Variants in CLVS1 observed in about 807,000 individuals in gnomAD.
CLVS1 encodes the protein clavesin 1.
Under a neutral mutation model 33.1 loss-of-function variants are expected in CLVS1, and 10 were observed. The observed-to-expected ratio is 0.30, with a 90% confidence interval of 0.19 to 0.51. The LOEUF (loss-of-function observed/expected upper bound fraction) is 0.51. CLVS1 is among the 20% of genes least tolerant of loss of function. CLVS1 has a pLI of 0.97. For missense variants in CLVS1, 343 were observed against 433.4 expected, an observed-to-expected ratio of 0.79 and a Z score of 1.85; for synonymous variants, 163 against 166.1, an observed-to-expected ratio of 0.98 and a Z score of 0.14.
At chr8:61,221,991 T>C (rs1214143696) in intron 2 of CLVS1, among the ~76,000 whole-genome samples, 2 of 152,232 alleles carry the variant, frequency 1.3e-5, no homozygotes, top group East Asian at 3.8e-4. Context: ...TATAGTACTC[T>C]CTGATGGTAG....
chr8:60,974,710 C>T, the CLVS1 span, among the ~76,000 whole-genome samples: 12 of 150,038 alleles, frequency 8.0e-5, 1 homozygote, highest in East Asian at 5.9e-4. Flanking sequence ...ACCCGGGAGG[C>T]GGAGCTTGCA....
At chr8:61,028,268 C>G in the CLVS1 span, among the ~76,000 whole-genome samples, 1 of 152,108 alleles carries the variant, frequency 6.6e-6, no homozygotes, top group African/African-American at 2.4e-5. Flanking sequence ...TAAATAATAA[C>G]GATTATAATA....
chr8:61,279,977 C>G (rs1809637723), intron 2 of CLVS1, among the ~76,000 whole-genome samples: 1 of 143,262 alleles, frequency 7.0e-6, no homozygotes, highest in Admixed American at 7.1e-5. Context: ...CTTTAAATAT[C>G]TTATTTTAAA....
chr8:61,225,089 G>C (rs1430004762), intron 2 of CLVS1, among the ~76,000 whole-genome samples: 4 of 152,186 alleles, frequency 2.6e-5, no homozygotes, highest in African/African-American at 9.7e-5. Flanking sequence ...GGCTGAGGCG[G>C]GTGGATCGCT....
intron 2 of CLVS1, among the ~76,000 whole-genome samples, chr8:61,226,065 G>GA (rs1808321982): frequency 6.6e-6 from 1 of 152,170 alleles, no homozygotes; most frequent in Admixed American, 6.6e-5. Flanking sequence ...AGCTTTTTAA[G>GA]AAGAAAAAAC....
chr8:61,472,911 G>T (rs1048683228), intron 5 of CLVS1, among the ~76,000 whole-genome samples: 2 of 152,162 alleles, frequency 1.3e-5, no homozygotes, highest in African/African-American at 4.8e-5. Context: ...AGACAGAGTG[G>T]TTAACCTGGC....
intron 2 of CLVS1, among the ~76,000 whole-genome samples, chr8:61,354,764 G>A (rs535848097): frequency 3.8e-4 from 58 of 152,066 alleles, no homozygotes; most frequent in Non-Finnish European, 6.9e-4. Flanking sequence ...TAACATTTTC[G>A]AAATGACAAA....
At chr8:61,257,673 T>C (rs936699292) in intron 2 of CLVS1, among the ~76,000 whole-genome samples, 1 of 152,072 alleles carries the variant, frequency 6.6e-6, no homozygotes, top group African/African-American at 2.4e-5. Flanking sequence ...TAGAAAAAGC[T>C]GAATAATTAA....
At chr8:61,476,057 T>C (rs1428585728) in intron 5 of CLVS1, among the ~76,000 whole-genome samples, 11 of 152,092 alleles carry the variant, frequency 7.2e-5, no homozygotes, top group East Asian at 1.9e-4. Context: ...ATAGGGAATC[T>C]TTTCCCCATT....
intron 5 of CLVS1, among the ~76,000 whole-genome samples, chr8:61,461,661 G>A (rs192446037): frequency 7.2e-5 from 11 of 152,188 alleles, no homozygotes; most frequent in Non-Finnish European, 1.6e-4. Context: ...GGGTTTTTGA[G>A]GTTTTCCTTT....
At chr8:61,442,397 A>G (rs1268507392) in intron 3 of CLVS1, among the ~76,000 whole-genome samples, 1 of 152,128 alleles carries the variant, frequency 6.6e-6, no homozygotes, top group Non-Finnish European at 1.5e-5. Flanking sequence ...AGCTGCTGTG[A>G]GTGTCTTTGT....
At chr8:61,498,341 G>C (rs1209328803) in intron 5 of CLVS1, among the ~76,000 whole-genome samples, 1 of 152,204 alleles carries the variant, frequency 6.6e-6, no homozygotes, top group Non-Finnish European at 1.5e-5. Context: ...TAAGGGCTCA[G>C]AGGAGCCAAA....
the CLVS1 span, among the ~76,000 whole-genome samples, chr8:61,039,253 A>C: frequency 2.0e-5 from 3 of 152,240 alleles, no homozygotes; most frequent in Non-Finnish European, 4.4e-5. Flanking sequence ...GACGCATTCT[A>C]GTATCTTCTA....
chr8:61,425,553 C>A (rs1815855285), intron 3 of CLVS1, among the ~76,000 whole-genome samples: 1 of 152,168 alleles, frequency 6.6e-6, no homozygotes. Flanking sequence ...CTATCTAATT[C>A]CAGAATGTTT....
intron 1 of CLVS1, chr8:61,292,130 T>A (rs79035976): frequency 7.2e-6 from 2 of 277,142 alleles, no homozygotes; most frequent in Admixed American, 4.2e-5. Context: ...TTTTTTTTTT[T>A]AATATTCTCA....
Position 61,313,501 on chromosome 8 carries a change from T to C in CLVS1, c.455+13219T>C, listed in dbSNP as rs187064507. Among the ~76,000 whole-genome samples, 6 of 152,308 alleles carry C rather than the reference T, an allele frequency of 3.9e-5. No individual in the cohort carries two copies. In the East Asian group the frequency reaches 1.2e-3, roughly 29 times the overall value. ...CAAAGGATTGGAATAGATATGAGCA[T>C]GCCAGTCATTTAGGAAAGAACACAG... is the stretch of plus-strand genomic sequence containing the variant. On this transcript the variant is annotated intron_variant, in intron 2 of 5. Coordinates refer to ENST00000325897, the MANE Select transcript of CLVS1 (RefSeq NM_173519.3).
the CLVS1 span, among the ~76,000 whole-genome samples, chr8:61,014,052 C>A: frequency 1.3e-5 from 2 of 150,794 alleles, no homozygotes. Context: ...GAATTAGACT[C>A]ATCTGCAAGT....
the CLVS1 span, among the ~76,000 whole-genome samples, chr8:61,033,318 T>A: frequency 2.2e-5 from 1 of 45,592 alleles, no homozygotes; most frequent in African/African-American, 5.7e-5. Flanking sequence ...TCTGGCCTGG[T>A]GTCTTTCCCC....
chr8:61,362,505 A>G (rs928219911), intron 2 of CLVS1, among the ~76,000 whole-genome samples: 7 of 152,148 alleles, frequency 4.6e-5, no homozygotes, highest in Admixed American at 2.0e-4. Flanking sequence ...TGACAGAAAG[A>G]GGTTACTACC....
Sources: allele counts gnomAD v4.1 joint callset (sites outside exome capture counted in the v4.1 genomes callset), GRCh38; gene constraint gnomAD v4.1.1; transcripts MANE v1.5; gene names NCBI Gene and HGNC (gene_info 2026-07-23, HGNC 2026-07-21).